RBFOX1: variants seen among roughly 807,000 people sequenced by gnomAD.
RBFOX1 encodes the protein RNA binding fox-1 homolog 1.
RBFOX1 carries 8 observed loss-of-function variants against 57.7 expected under a neutral mutation model. The ratio of observed to expected loss-of-function variants is 0.14; its 90% CI spans 0.08 to 0.25. RBFOX1 has a LOEUF of 0.25. RBFOX1 is among the 10% of genes least tolerant of loss of function. The pLI, the probability that RBFOX1 is intolerant of heterozygous loss-of-function variation, is 1.00. For synonymous variants in RBFOX1, 326 were observed against 222.4 expected (o/e 1.47, Z -4.15); for missense variants, 611 against 548.5 (o/e 1.11, Z -1.14).
At chr16:5,734,746 C>T (rs1409227712) in intron 3 of RBFOX1, among the ~76,000 whole-genome samples, 3 of 152,280 alleles carry the variant, frequency 2.0e-5, no homozygotes, top group African/African-American at 4.8e-5. Context: ...ACACTGAGCT[C>T]ATTCCCTGTA....
chr16:7,472,472 T>C (rs947815859), intron 4 of RBFOX1, among the ~76,000 whole-genome samples: 1 of 152,232 alleles, frequency 6.6e-6, no homozygotes, highest in South Asian at 2.1e-4. Flanking sequence ...ACCAGTGTTA[T>C]GAAACTTGCA....
chr16:5,730,538 A>C (rs1860224859), intron 3 of RBFOX1, among the ~76,000 whole-genome samples: 2 of 152,152 alleles, frequency 1.3e-5, no homozygotes, highest in African/African-American at 2.4e-5. Flanking sequence ...GGATAGAATA[A>C]TACTAATAAT....
At chr16:5,364,186 C>A (rs1008488125) in intron 1 of RBFOX1, among the ~76,000 whole-genome samples, 1 of 152,196 alleles carries the variant, frequency 6.6e-6, no homozygotes, top group African/African-American at 2.4e-5. Context: ...AAGTTTCCTT[C>A]ACATTTAGGA....
chr16:6,962,753 A>T (rs922981068), intron 3 of RBFOX1, among the ~76,000 whole-genome samples: 1 of 152,240 alleles, frequency 6.6e-6, no homozygotes, highest in Non-Finnish European at 1.5e-5. Flanking sequence ...AGCCCCAGCT[A>T]CCTTAGAAGG....
chr16:6,655,233 G>C (rs913958907), intron 3 of RBFOX1, among the ~76,000 whole-genome samples: 1 of 151,158 alleles, frequency 6.6e-6, no homozygotes, highest in Non-Finnish European at 1.5e-5. Context: ...AATTAGCCGG[G>C]TGTGGTGGCA....
At chr16:6,041,648 C>G (rs1037378026) in intron 1 of RBFOX1, among the ~76,000 whole-genome samples, 1 of 152,116 alleles carries the variant, frequency 6.6e-6, no homozygotes, top group Non-Finnish European at 1.5e-5. Context: ...AAGCCTAAGT[C>G]TTGAAATTAT....
intron 5 of RBFOX1, among the ~76,000 whole-genome samples, chr16:7,538,555 G>A (rs1033228172): frequency 6.6e-6 from 1 of 152,106 alleles, no homozygotes; most frequent in African/African-American, 2.4e-5. Context: ...AAATAGCTAT[G>A]GTTTCTTCGT....
At chr16:7,359,828 TG>T (rs2097286845) in intron 4 of RBFOX1, among the ~76,000 whole-genome samples, 1 of 151,754 alleles carries the variant, frequency 6.6e-6, no homozygotes, top group Non-Finnish European at 1.5e-5. Flanking sequence ...ACTGAAAATA[TG>T]AAAAATTAGC....
chr16:5,636,454 C>G (rs1490628989), intron 3 of RBFOX1, among the ~76,000 whole-genome samples: 2 of 152,208 alleles, frequency 1.3e-5, no homozygotes, highest in East Asian at 3.9e-4. Context: ...GGCCAAAGCA[C>G]TGGATGAGAA....
chr16:6,176,283 T>A (rs2097007448), intron 1 of RBFOX1, among the ~76,000 whole-genome samples: 1 of 151,122 alleles, frequency 6.6e-6, no homozygotes, highest in African/African-American at 2.4e-5. Flanking sequence ...GTAGCTGGGA[T>A]TACAGGTGCC....
chr16:6,111,164 T>G (rs184469010), intron 1 of RBFOX1, among the ~76,000 whole-genome samples: 2 of 152,174 alleles, frequency 1.3e-5, no homozygotes, highest in Admixed American at 6.5e-5. Flanking sequence ...AATACAAGAA[T>G]GATATTCATA....
chr16:7,511,384 T>C (rs1014505259), intron 4 of RBFOX1, among the ~76,000 whole-genome samples: 4 of 152,116 alleles, frequency 2.6e-5, no homozygotes, highest in Non-Finnish European at 4.4e-5. Flanking sequence ...AACAAAACTC[T>C]CTCATCTTAT....
chr16:5,398,781 C>G (rs369304575), intron 1 of RBFOX1, among the ~76,000 whole-genome samples: 1 of 152,176 alleles, frequency 6.6e-6, no homozygotes, highest in African/African-American at 2.4e-5. Context: ...TGGGACAGTT[C>G]TGGTGAGCAG....
rs866785674 is a variant in RBFOX1, at chr16:5,339,018, T to G, written c.219+98913T>G. Among the ~76,000 whole-genome samples the G allele has an allele frequency of 6.6e-5, 10 of 152,260 alleles. No homozygotes were observed. In the South Asian group the frequency reaches 1.7e-3, roughly 25 times the overall value. On this transcript the variant is annotated intron_variant, in intron 1 of 2. Coordinates refer to the RBFOX1 transcript ENST00000585867. ...ATAAATTACCTCACTTTTTTTTTTG[T>G]GGCAAGAACACAAAATCTCTCAATA...
chr16:5,718,122 A>G (rs539081157), intron 3 of RBFOX1, among the ~76,000 whole-genome samples: 1 of 152,322 alleles, frequency 6.6e-6, no homozygotes, highest in South Asian at 2.1e-4. Flanking sequence ...ATTTCTTTAC[A>G]TAGGGGGCTT....
intron 4 of RBFOX1, among the ~76,000 whole-genome samples, chr16:7,146,443 C>A (rs915723334): frequency 7.9e-5 from 12 of 152,204 alleles, no homozygotes; most frequent in African/African-American, 2.9e-4. Flanking sequence ...GTCACCCCCA[C>A]TGAGGCTGGC....
intron 1 of RBFOX1, among the ~76,000 whole-genome samples, chr16:6,054,151 CTAAAGT>C (rs1208937706): frequency 2.6e-5 from 4 of 152,108 alleles, no homozygotes; most frequent in Non-Finnish European, 4.4e-5. Flanking sequence ...GTGGAGGAAG[CTAAAGT>C]TATAGTATCT....
chr16:6,876,198 C>T (rs1001165935), intron 3 of RBFOX1, among the ~76,000 whole-genome samples: 5 of 151,846 alleles, frequency 3.3e-5, no homozygotes, highest in Admixed American at 1.3e-4. Flanking sequence ...AAAAACAAAG[C>T]AAAGCAAAAC....
At chr16:6,908,309 C>T (rs753432377) in intron 3 of RBFOX1, among the ~76,000 whole-genome samples, 1 of 151,706 alleles carries the variant, frequency 6.6e-6, no homozygotes, top group Non-Finnish European at 1.5e-5. Context: ...CAGCCTCTGA[C>T]CATGGCTTGG....
Sources: gnomAD v4.1 joint callset for allele counts (sites outside exome capture counted in the v4.1 genomes callset) on GRCh38, gnomAD v4.1.1 for gene constraint, MANE v1.5 for transcripts, NCBI Gene and HGNC (gene_info 2026-07-23, HGNC 2026-07-21) for gene names.